Variants in CREG1 observed in about 807,000 individuals in gnomAD.
The protein encoded by CREG1 is cellular repressor of E1A stimulated genes 1.
CREG1 carries 20 observed loss-of-function variants against 19.9 expected under a neutral mutation model. The ratio of observed to expected loss-of-function variants is 1.01; its 90% confidence interval spans 0.71 to 1.46. The LOEUF is 1.46. CREG1 is among the 40% of genes most tolerant of loss of function. CREG1 has a pLI of 0.00. For missense variants in CREG1, 290 were observed against 314.9 expected, an observed-to-expected ratio of 0.92 and a Z score of 0.60; for synonymous variants, 141 against 143.3, an observed-to-expected ratio of 0.98 and a Z score of 0.12.
At chr1:167,542,368 T>A in intron 3 of CREG1, 67 bp from the exon 4 acceptor site, 1 of 1,464,696 alleles carries the variant, frequency 6.8e-7, no homozygotes, top group Non-Finnish European at 9.4e-7. Flanking sequence ...AATTAATTCA[T>A]TCTAGGGAAG....
intron 1 of CREG1, among the ~76,000 whole-genome samples, chr1:167,552,828 C>T (rs1322166932): frequency 6.6e-6 from 1 of 152,104 alleles, no homozygotes; most frequent in African/African-American, 2.4e-5. Flanking sequence ...GGGTGGATCA[C>T]GTGAGGTCAG....
intron 3 of CREG1, among the ~76,000 whole-genome samples, chr1:167,543,604 T>C (rs1335689255): frequency 1.3e-5 from 2 of 152,214 alleles, no homozygotes; most frequent in African/African-American, 4.8e-5. Flanking sequence ...GATATCACTG[T>C]ACACTCCCCG....
rs1015818423 is a variant in CREG1, at chr1:167,553,657, C to A, written c.85G>T (p.Ala29Ser). Reference protein sequence around the residue: ...STLLALLVSPARGRGGRDHGD... With the variant: ...STLLALLVSPSRGRGGRDHGD... ...TGGTCCCGGCCGCCGCGACCCCGCG[C>A]GGGCGACACGAGCAGCGCCAACAGC... The change falls in exon 1 of 4, where the codon GCG becomes TCG. Residue 29 changes from alanine (A) to serine (S), a missense_variant. By Grantham distance (99) the Ala-to-Ser change is moderately conservative. Coordinates refer to ENST00000370509, the MANE Select transcript of CREG1 (RefSeq NM_003851.3). The A allele has an allele frequency of 1.2e-5, 16 of 1,337,724 alleles. No individual in the cohort carries two copies. The highest frequency in any genetic ancestry group is 1.5e-5 in the African/African-American group (1 of 65,064). The allele number at this position is 1,337,724 out of a possible 1,614,324, so 82.9% of individuals were successfully genotyped here.
At chr1:167,545,946 T>C (rs1192413900) in intron 3 of CREG1, among the ~76,000 whole-genome samples, 155 bp downstream of exon 3, 1 of 152,230 alleles carries the variant, frequency 6.6e-6, no homozygotes, top group Non-Finnish European at 1.5e-5. Flanking sequence ...CTGTATTTTA[T>C]GTGTTTAAAA....
chr1:167,546,030 C>T, intron 3 of CREG1, 71 bp downstream of exon 3: 1 of 1,348,470 alleles, frequency 7.4e-7, no homozygotes, highest in Non-Finnish European at 1.0e-6. Context: ...CGGTTAAACC[C>T]CCCTTGCCTT....
intron 3 of CREG1, among the ~76,000 whole-genome samples, 159 bp from the exon 4 acceptor site, chr1:167,542,460 G>C (rs1431237370): frequency 1.3e-5 from 2 of 152,184 alleles, no homozygotes; most frequent in African/African-American, 4.8e-5. Flanking sequence ...ACTTGGGTTT[G>C]TTAAAATGCA....
rs1384391899 is a variant in CREG1, at chr1:167,542,188, A to G, written c.*110T>C. 2 of 966,838 alleles carry G rather than the reference A, an allele frequency of 2.1e-6. No homozygotes were observed. The highest frequency in any genetic ancestry group is 3.4e-5 in the African/African-American group (2 of 59,228). 59.9% of individuals were successfully genotyped at this position (966,838 alleles called of 1,614,324 possible). On this transcript the variant is annotated 3_prime_UTR_variant, in exon 4 of 4. Coordinates refer to ENST00000370509, the MANE Select transcript of CREG1 (RefSeq NM_003851.3). ...AGCAAACAAACCAGCATGTGACAGA[A>G]AACTGGCTAATATTCTGGGACGCTT...
At chr1:167,545,573 T>C (rs964404497) in intron 3 of CREG1, among the ~76,000 whole-genome samples, 15 of 152,172 alleles carry the variant, frequency 9.9e-5, no homozygotes, top group Admixed American at 7.9e-4. Flanking sequence ...ATGCCTGTAA[T>C]CCTAGCACTT....
chr1:167,549,008 T>A (rs140650452), intron 1 of CREG1, among the ~76,000 whole-genome samples: 3 of 152,322 alleles, frequency 2.0e-5, no homozygotes, highest in African/African-American at 7.2e-5. Flanking sequence ...CAAATGTGTA[T>A]GTCCAGCATA....
intron 2 of CREG1, among the ~76,000 whole-genome samples, chr1:167,546,698 C>G (rs2982473): frequency 0.95 from 144,397 of 152,338 alleles, 68,474 homozygotes; most frequent in East Asian, 1. Flanking sequence ...AGTTTACTTA[C>G]TTGTAAATCT....
chr1:167,544,129 C>T (rs1385613785), intron 3 of CREG1, among the ~76,000 whole-genome samples: 1 of 152,188 alleles, frequency 6.6e-6, no homozygotes, highest in African/African-American at 2.4e-5. Context: ...AGTCAGATGG[C>T]TTTGCCAGCC....
chr1:167,546,677 T>C (rs1056120694), intron 2 of CREG1, among the ~76,000 whole-genome samples: 5 of 152,190 alleles, frequency 3.3e-5, no homozygotes, highest in African/African-American at 1.2e-4. Flanking sequence ...TAGCATTCTA[T>C]AAATCCTAAG....
chr1:167,548,877 T>C (rs1371449718), intron 1 of CREG1, among the ~76,000 whole-genome samples: 1 of 152,122 alleles, frequency 6.6e-6, no homozygotes, highest in African/African-American at 2.4e-5. Context: ...TTTAGCCAAA[T>C]AGTCACTGTC....
At chr1:167,544,093 T>C (rs1331086163) in intron 3 of CREG1, among the ~76,000 whole-genome samples, 1 of 152,252 alleles carries the variant, frequency 6.6e-6, no homozygotes, top group African/African-American at 2.4e-5. Context: ...AATAAAGTTG[T>C]AATTGCTACC....
chr1:167,544,384 G>A lies in CREG1; in HGVS notation c.659+1717C>T, dbSNP rs574165085. Among the ~76,000 whole-genome samples, 12 of 152,050 alleles carry A rather than the reference G, an allele frequency of 7.9e-5. No homozygotes were observed. The South Asian group carries it at 2.3e-3, about 29-fold the overall frequency. On this transcript the variant is annotated intron_variant, in intron 3 of 3. Coordinates refer to ENST00000370509, the MANE Select transcript of CREG1 (RefSeq NM_003851.3). ...TGGTAGGGAGTCAATAGTTCAACAC[G>A]GAATTGTTCTACAATTGAAAAAGAC...
At chr1:167,551,033 T>C (rs766192719) in intron 1 of CREG1, among the ~76,000 whole-genome samples, 10 of 152,134 alleles carry the variant, frequency 6.6e-5, no homozygotes, top group Non-Finnish European at 1.5e-4. Flanking sequence ...AACCCCAAGA[T>C]TTCCCTTCAG....
Position 167,542,198 on chromosome 1 carries a change from A to C in CREG1, c.*100T>G, listed in dbSNP as rs1336561713. ...CCAGCATGTGACAGAAAACTGGCTA[A>C]TATTCTGGGACGCTTTCCAGAGAAA... On this transcript the variant is annotated 3_prime_UTR_variant, in exon 4 of 4. Transcript: ENST00000370509. The C allele has an allele frequency of 9.1e-7, 1 of 1,095,054 alleles. No individual in the cohort carries two copies. Among genetic ancestry groups the C allele is most frequent in the East Asian group, 2.8e-5 (1 of 36,232 alleles). The allele number at this position is 1,095,054 out of a possible 1,614,324, so 67.8% of individuals were successfully genotyped here. A position where few individuals can be genotyped will look rare whatever the true frequency, so the allele number is the denominator to read the frequency against.
chr1:167,553,135 A>G (rs1656449150), intron 1 of CREG1, among the ~76,000 whole-genome samples: 1 of 151,788 alleles, frequency 6.6e-6, no homozygotes, highest in African/African-American at 2.4e-5. Context: ...ACGGATGAGA[A>G]GTCCTCGGGC....
chr1:167,545,084 T>C (rs1656294285), intron 3 of CREG1, among the ~76,000 whole-genome samples: 1 of 152,182 alleles, frequency 6.6e-6, no homozygotes, highest in Non-Finnish European at 1.5e-5. Flanking sequence ...ATGCACTTCT[T>C]AGTGGGATAA....
Sources: gnomAD v4.1 joint callset for allele counts (sites outside exome capture counted in the v4.1 genomes callset) on GRCh38, gnomAD v4.1.1 for gene constraint, MANE v1.5 for transcripts, NCBI Gene and HGNC (gene_info 2026-07-23, HGNC 2026-07-21) for gene names.